Variants in CLEC2B observed in about 807,000 individuals in gnomAD.
CLEC2B encodes C-type lectin domain family 2 member B, also known as C-type (calcium dependent, carbohydrate-recognition domain) lectin, superfamily member 2 (activation-induced).
Under a neutral mutation model 16.2 loss-of-function variants are expected in CLEC2B, and 14 were observed. That is an observed-to-expected ratio of 0.86 (90% CI 0.57 to 1.35). The LOEUF (loss-of-function observed/expected upper bound fraction) is 1.35, where lower values mean the gene tolerates loss of function less well. Ranked by LOEUF, CLEC2B falls within the 40% of genes most tolerant of loss-of-function variation. The probability of loss-of-function intolerance (pLI) is 0.00; values close to 1 mark genes in which losing one functional copy is unlikely to be tolerated. For missense variants in CLEC2B, 166 were observed against 182.3 expected, an observed-to-expected ratio of 0.91 and a Z score of 0.52; for synonymous variants, 42 against 55.8, an observed-to-expected ratio of 0.75 and a Z score of 1.10.
At chr12:9,865,512 T>C (rs915130721) in intron 1 of CLEC2B, among the ~76,000 whole-genome samples, 1 of 152,114 alleles carries the variant, frequency 6.6e-6, no homozygotes, top group African/African-American at 2.4e-5. Context: ...CCCAAGTATA[T>C]AAAGCAAACA....
chr12:9,860,379 G>T (rs997353161), intron 2 of CLEC2B, among the ~76,000 whole-genome samples: 4 of 151,618 alleles, frequency 2.6e-5, no homozygotes, highest in Admixed American at 2.6e-4. Context: ...AGACTAAATA[G>T]GACAATAGTG....
At chr12:9,863,431 C>T (rs1867948228) in intron 1 of CLEC2B, among the ~76,000 whole-genome samples, 2 of 152,172 alleles carry the variant, frequency 1.3e-5, no homozygotes, top group Non-Finnish European at 2.9e-5. Context: ...CAGGGAACTG[C>T]GATACCCCTA....
Position 9,862,583 on chromosome 12 carries a change from A to G in CLEC2B, c.-2-10T>C, listed in dbSNP as rs1374480343. 2.8e-6 allele frequency: 4 copies of G among 1,449,780 alleles called. No homozygotes were observed. The highest frequency in any genetic ancestry group is 3.7e-6 in the Non-Finnish European group (4 of 1,089,194). 89.8% of individuals were successfully genotyped at this position (1,449,780 alleles called of 1,614,324 possible). A position where few individuals can be genotyped will look rare whatever the true frequency, so the allele number is the denominator to read the frequency against. ...TGTTTGGTCATCATACCTGAAAAAT[A>G]AAAATAAAGACATTTAGGAGACTTC... is the stretch of plus-strand genomic sequence containing the variant. On this transcript the variant is annotated splice_polypyrimidine_tract_variant and intron_variant, in intron 1 of 4. Coordinates refer to ENST00000228438, the MANE Select transcript of CLEC2B (RefSeq NM_005127.3).
Position 9,857,531 on chromosome 12 carries a change from T to G in CLEC2B, c.180A>C (p.Lys60Asn). The stretch of plus-strand genomic sequence containing the variant: ...CGGCATGTTGAGTGGAACAGTTGTA[T>G]TTACTTGAATTCCAATCTCCTTCTT... The part of the protein sequence containing the change: ...SKEEGDWNSS[K>N]YNCSTQHADL... The change falls in exon 3 of 5, where the codon AAA becomes AAC. Residue 60 changes from lysine to asparagine, a missense_variant. Transcript: ENST00000228438. 6.2e-7 allele frequency: 1 copy of G among 1,611,568 alleles called. No individual in the cohort carries two copies.
At chr12:9,867,106 C>A (rs1402044389) in intron 1 of CLEC2B, 1 of 152,026 alleles carries the variant, frequency 6.6e-6, no homozygotes, top group Non-Finnish European at 1.5e-5. Context: ...AGAGCTAGAC[C>A]CGAAGAGGTC....
At chr12:9,855,314 C>G (rs1867887481) in intron 3 of CLEC2B, among the ~76,000 whole-genome samples, 1 of 152,066 alleles carries the variant, frequency 6.6e-6, no homozygotes, top group South Asian at 2.1e-4. Flanking sequence ...ACTATCTTCA[C>G]AGCATTGCAT....
chr12:9,863,973 G>A (rs1413091375), intron 1 of CLEC2B, among the ~76,000 whole-genome samples: 4 of 151,942 alleles, frequency 2.6e-5, no homozygotes, highest in Non-Finnish European at 4.4e-5. Flanking sequence ...AACAGATTCC[G>A]ACCCCAACAA....
At position 9,862,489 on chromosome 12, in the gene CLEC2B, T is replaced by C; in HGVS notation, c.73+10A>G. 1 of 1,447,290 alleles carries C rather than the reference T, an allele frequency of 6.9e-7. No individual in the cohort carries two copies. The highest frequency in any genetic ancestry group is 9.3e-7 in the Non-Finnish European group (1 of 1,077,994). 89.7% of individuals were successfully genotyped at this position (1,447,290 alleles called of 1,614,324 possible). A position where few individuals can be genotyped will look rare whatever the true frequency, so the allele number is the denominator to read the frequency against. ...AAGCCATGAAAAATAAAATGAAGGATGTAACTTACCTATCAGAGTAATAAT... is the reference window on the plus strand; with the variant it reads ...AAGCCATGAAAAATAAAATGAAGGACGTAACTTACCTATCAGAGTAATAAT... On this transcript the variant is annotated intron_variant, in intron 2 of 4. Coordinates refer to ENST00000228438, the MANE Select transcript of CLEC2B (RefSeq NM_005127.3).
intron 3 of CLEC2B, 93 bp downstream of exon 3, chr12:9,857,381 G>T: frequency 1.1e-6 from 1 of 907,004 alleles, no homozygotes; most frequent in Non-Finnish European, 1.7e-6. Flanking sequence ...AGATAGGCAT[G>T]AGTGAAAAGA....
rs376996433 is a variant in CLEC2B, at chr12:9,863,192, A to G, written c.-2-619T>C. Reference sequence around the variant, plus strand: ...CCCTTTGGAAGCACCCTCATTTGGTATGAGTGGCACTCTAATTGTTTACTA... The same window carrying G: ...CCCTTTGGAAGCACCCTCATTTGGTGTGAGTGGCACTCTAATTGTTTACTA... On this transcript the variant is annotated intron_variant, in intron 1 of 4. Coordinates refer to ENST00000228438, the MANE Select transcript of CLEC2B (RefSeq NM_005127.3). Among the ~76,000 whole-genome samples the G allele has an allele frequency of 9.9e-5, 15 of 151,804 alleles. 1 individual carries two copies. In the East Asian group the frequency reaches 1.4e-3, roughly 14 times the overall value.
intron 3 of CLEC2B, 56 bp downstream of exon 3, chr12:9,857,418 A>G (rs1415868438): frequency 7.6e-7 from 1 of 1,319,782 alleles, no homozygotes; most frequent in African/African-American, 1.5e-5. Flanking sequence ...GTGTTTGAAT[A>G]TTTCTAATGC....
chr12:9,867,282 T>C (rs554393072), intron 1 of CLEC2B: 2 of 152,300 alleles, frequency 1.3e-5, no homozygotes, highest in African/African-American at 4.8e-5. Flanking sequence ...TAAACTGTCC[T>C]GTCCATTCAG....
At chr12:9,860,573 T>A (rs1867926087) in intron 2 of CLEC2B, among the ~76,000 whole-genome samples, 1 of 151,816 alleles carries the variant, frequency 6.6e-6, no homozygotes, top group African/African-American at 2.4e-5. Context: ...TCCATGAAAA[T>A]TGACTATGGT....
intron 2 of CLEC2B, among the ~76,000 whole-genome samples, chr12:9,860,822 G>T (rs983454742): frequency 2.0e-5 from 3 of 151,794 alleles, no homozygotes; most frequent in Non-Finnish European, 4.4e-5. Flanking sequence ...CTACACAGTT[G>T]ATTGATGACA....
chr12:9,864,185 A>G (rs925289937), intron 1 of CLEC2B, among the ~76,000 whole-genome samples: 2 of 149,216 alleles, frequency 1.3e-5, no homozygotes, highest in African/African-American at 2.4e-5. Flanking sequence ...AAACCCTGCC[A>G]TCTAAGAATA....
At chr12:9,863,718 G>A (rs1355603526) in intron 1 of CLEC2B, among the ~76,000 whole-genome samples, 1 of 152,064 alleles carries the variant, frequency 6.6e-6, no homozygotes, top group East Asian at 1.9e-4. Flanking sequence ...AATAATCGGT[G>A]AGCATGAGGA....
At chr12:9,866,512 A>G (rs1412502829) in intron 1 of CLEC2B, among the ~76,000 whole-genome samples, 4 of 152,152 alleles carry the variant, frequency 2.6e-5, no homozygotes, top group Non-Finnish European at 5.9e-5. Flanking sequence ...AAGTATAGTT[A>G]CAACAGGAAG....
intron 1 of CLEC2B, 38 bp from the exon 2 acceptor site, chr12:9,862,611 G>C (rs1331435664): frequency 7.3e-7 from 1 of 1,368,578 alleles, no homozygotes; most frequent in African/African-American, 1.5e-5. Context: ...GAGACTTCTG[G>C]CTCCAAAATG....
chr12:9,854,359 T>C, intron 4 of CLEC2B, 22 bp downstream of exon 4: 1 of 1,527,106 alleles, frequency 6.5e-7, no homozygotes, highest in South Asian at 1.1e-5. Flanking sequence ...ATTTAAGTGA[T>C]CCCAGAAAAA....
Sources: allele counts gnomAD v4.1 joint callset (sites outside exome capture counted in the v4.1 genomes callset), GRCh38; gene constraint gnomAD v4.1.1; transcripts MANE v1.5; gene names NCBI Gene and HGNC (gene_info 2026-07-23, HGNC 2026-07-21).